The following RSBN1L variants were observed in gnomAD, a reference collection of about 807,000 sequenced individuals.
The protein encoded by RSBN1L is lysine-specific demethylase RSBN1L.
RSBN1L carries 30 observed loss-of-function variants against 67.7 expected under a neutral mutation model. The observed-to-expected ratio is 0.44, with a 90% confidence interval of 0.33 to 0.60. The LOEUF is 0.60. RSBN1L is among the 20% of genes least tolerant of loss of function. The pLI is 0.02. For missense variants in RSBN1L, 992 were observed against 1,031.7 expected (o/e 0.96, Z 0.53); for synonymous variants, 433 against 387.0 (o/e 1.12, Z -1.39).
rs146851119 is a variant in RSBN1L, at chr7:77,706,432, A to G, written c.586+9377A>G. On this transcript the variant is annotated intron_variant, in intron 1 of 7. Coordinates refer to ENST00000334955, the MANE Select transcript of RSBN1L (RefSeq NM_198467.3). Reference sequence around the variant, plus strand: ...ACCATGTTGGCCAGACTGGTCTCCCAACTCCTGACCTCAAGTGATCTGCCT... The same window carrying G: ...ACCATGTTGGCCAGACTGGTCTCCCGACTCCTGACCTCAAGTGATCTGCCT... 5.6e-3 allele frequency among the ~76,000 whole-genome samples: 852 copies of G among 152,172 alleles called. 4 individuals carry two copies. The highest frequency in any genetic ancestry group is 0.019 in the African/African-American group (809 of 41,530).
intron 3 of RSBN1L, among the ~76,000 whole-genome samples, chr7:77,757,064 C>A (rs1023136556): frequency 1.3e-5 from 2 of 152,156 alleles, no homozygotes; most frequent in African/African-American, 4.8e-5. Flanking sequence ...TCTTAAATTA[C>A]AATCAGGGCA....
Position 77,696,947 on chromosome 7 carries a change from C to G in RSBN1L, c.478C>G (p.Pro160Ala). The G allele has an allele frequency of 6.3e-7, 1 of 1,594,294 alleles. No individual in the cohort carries two copies. Among genetic ancestry groups the G allele is most frequent in the East Asian group, 2.3e-5 (1 of 44,420 alleles). The change falls in exon 1 of 8, where the codon CCT (proline) becomes GCT (alanine). Residue 160 changes from proline (P) to alanine (A), a missense_variant. Transcript: ENST00000334955. ...AASANAKSRRPKEKREKERRR... is the reference protein window; with the variant it reads ...AASANAKSRRAKEKREKERRR... ...CTCGGCTAACGCCAAGTCGCGCAGACCTAAGGAGAAGCGGGAGAAGGAGAG... is the reference window on the plus strand; with the variant it reads ...CTCGGCTAACGCCAAGTCGCGCAGAGCTAAGGAGAAGCGGGAGAAGGAGAG...
chr7:77,704,937 A>G (rs1029740064), intron 1 of RSBN1L, among the ~76,000 whole-genome samples: 1 of 152,158 alleles, frequency 6.6e-6, no homozygotes, highest in African/African-American at 2.4e-5. Context: ...GCACCATTGC[A>G]CTTGACCCTG....
At chr7:77,724,859 T>A (rs77652290) in intron 1 of RSBN1L, among the ~76,000 whole-genome samples, 1 of 151,632 alleles carries the variant, frequency 6.6e-6, no homozygotes, top group Non-Finnish European at 1.5e-5. Context: ...TTTTTTTTTT[T>A]GAGACGGAGT....
chr7:77,714,750 C>T (rs1435665311), intron 1 of RSBN1L, among the ~76,000 whole-genome samples: 12 of 151,820 alleles, frequency 7.9e-5, no homozygotes, highest in Non-Finnish European at 1.8e-4. Context: ...ATCACGAGGT[C>T]AGGAGATTGA....
Position 77,778,362 on chromosome 7 carries a change from A to G in RSBN1L, c.1818A>G (p.Lys606=), listed in dbSNP as rs1328708860. 19 of 1,611,270 alleles carry G rather than the reference A, an allele frequency of 1.2e-5. No homozygotes were observed. Among genetic ancestry groups the G allele is most frequent in the Non-Finnish European group, 1.6e-5 (19 of 1,179,134 alleles). The change falls in exon 7 of 8, where the codon AAA becomes AAG. Residue 606 remains lysine (K), a synonymous_variant. Coordinates refer to ENST00000334955, the MANE Select transcript of RSBN1L (RefSeq NM_198467.3). ...GGCCTGATCAACCCCGTATAACCAA[A>G]GATGTAATTTGTTTTCATGCTGAAG... is the stretch of plus-strand genomic sequence containing the variant. ...GEWPDQPRIT[K]DVICFHAEDF...
chr7:77,751,566 A>G (rs1791556884), intron 3 of RSBN1L, among the ~76,000 whole-genome samples: 1 of 152,236 alleles, frequency 6.6e-6, no homozygotes, highest in Non-Finnish European at 1.5e-5. Context: ...GTCATTTTAT[A>G]GAAACCCAAA....
intron 1 of RSBN1L, among the ~76,000 whole-genome samples, chr7:77,729,366 G>C (rs1791246164): frequency 6.6e-6 from 1 of 152,114 alleles, no homozygotes; most frequent in African/African-American, 2.4e-5. Flanking sequence ...ACTCACCTTG[G>C]GAGCCCTCAT....
intron 1 of RSBN1L, among the ~76,000 whole-genome samples, chr7:77,707,369 T>G (rs986410530): frequency 6.6e-6 from 1 of 152,176 alleles, no homozygotes; most frequent in Admixed American, 6.6e-5. Flanking sequence ...ATTGTTTTAG[T>G]GATCATTTAT....
chr7:77,749,113 G>T (rs1314057359), intron 2 of RSBN1L, among the ~76,000 whole-genome samples: 2 of 152,100 alleles, frequency 1.3e-5, no homozygotes, highest in Non-Finnish European at 2.9e-5. Flanking sequence ...AATTAGCTGG[G>T]CATGGTGACG....
At position 77,696,512 on chromosome 7, in the gene RSBN1L, G is replaced by T. The variant is rs765744665; in HGVS notation, c.43G>T (p.Ala15Ser). Reference protein sequence around the residue: ...PSPVHCVAAAAPTATVSEKEP... With the variant: ...PSPVHCVAAASPTATVSEKEP... ...CCCCGTGCACTGTGTCGCTGCCGCG[G>T]CCCCCACCGCCACCGTCTCGGAGAA... Residue 15 changes from alanine to serine, a missense_variant, in exon 1 of 8, where the codon GCC (alanine) becomes TCC (serine). By Grantham distance (99) the Ala-to-Ser change is moderately conservative. Coordinates refer to ENST00000334955, the MANE Select transcript of RSBN1L (RefSeq NM_198467.3). The T allele has an allele frequency of 5.6e-6, 9 of 1,613,532 alleles. No individual in the cohort carries two copies. The East Asian group carries it at 1.8e-4, about 32-fold the overall frequency.
intron 3 of RSBN1L, among the ~76,000 whole-genome samples, chr7:77,764,082 T>C (rs1330345528): frequency 6.6e-6 from 1 of 152,240 alleles, no homozygotes; most frequent in Non-Finnish European, 1.5e-5. Flanking sequence ...ATTCAACTTT[T>C]GATGTGACTA....
intron 1 of RSBN1L, among the ~76,000 whole-genome samples, chr7:77,715,735 A>T (rs925595698): frequency 1.3e-5 from 2 of 152,086 alleles, no homozygotes; most frequent in Non-Finnish European, 2.9e-5. Flanking sequence ...TTTTTTCCTT[A>T]TTCAGACCTC....
At chr7:77,710,179 T>C (rs994131870) in intron 1 of RSBN1L, among the ~76,000 whole-genome samples, 3 of 152,332 alleles carry the variant, frequency 2.0e-5, no homozygotes, top group Admixed American at 1.3e-4. Context: ...TTCAGATCCA[T>C]GTGCTTTCAC....
intron 6 of RSBN1L, among the ~76,000 whole-genome samples, chr7:77,774,618 TC>T (rs1791887788): frequency 6.6e-6 from 1 of 152,014 alleles, no homozygotes. Context: ...GTGCCTGTAA[TC>T]CCAGCTACTC....
At chr7:77,718,146 T>A (rs1006610174) in intron 1 of RSBN1L, among the ~76,000 whole-genome samples, 1 of 152,122 alleles carries the variant, frequency 6.6e-6, no homozygotes, top group African/African-American at 2.4e-5. Flanking sequence ...TGAACTAATA[T>A]TCATGGCAGC....
At chr7:77,726,612 A>G (rs1459563413) in intron 1 of RSBN1L, among the ~76,000 whole-genome samples, 1 of 151,712 alleles carries the variant, frequency 6.6e-6, no homozygotes, top group Admixed American at 6.6e-5. Context: ...TATCCCATCT[A>G]CTTTTTTTTG....
intron 3 of RSBN1L, among the ~76,000 whole-genome samples, chr7:77,761,336 G>A (rs945592152): frequency 6.6e-6 from 1 of 152,094 alleles, no homozygotes; most frequent in African/African-American, 2.4e-5. Context: ...GGAACTGATA[G>A]GTAAGAAGAA....
chr7:77,771,597 CCTCCTGGGTTCAAGTGATT>C lies in RSBN1L; in HGVS notation c.1626-1543_1626-1525del, dbSNP rs567286336. Among the ~76,000 whole-genome samples the C allele has an allele frequency of 1.5e-4, 22 of 150,680 alleles. No homozygotes were observed. The South Asian group carries it at 4.6e-3, about 32-fold the overall frequency. On this transcript the variant is annotated intron_variant, in intron 5 of 7. Coordinates refer to ENST00000334955, the MANE Select transcript of RSBN1L (RefSeq NM_198467.3). ...CAATCTCGGCTCACTGCAACCTCTG[CCTCCTGGGTTCAAGTGATT>C]CTCCTGCCTCAGCCTCCTCAGTAGC...
Sources: gnomAD v4.1 joint callset for allele counts (sites outside exome capture counted in the v4.1 genomes callset) on GRCh38, gnomAD v4.1.1 for gene constraint, MANE v1.5 for transcripts, NCBI Gene and HGNC (gene_info 2026-07-23, HGNC 2026-07-21) for gene names.